The following SCLT1 variants were observed in gnomAD, a reference collection of about 807,000 sequenced individuals.
SCLT1 encodes sodium channel-associated protein 1.
A neutral mutation model predicts 112.8 loss-of-function variants in SCLT1; 78 were observed. That is an observed-to-expected ratio of 0.69 (90% confidence interval 0.58 to 0.83). The LOEUF (loss-of-function observed/expected upper bound fraction) is 0.83. Among genes scored for constraint, SCLT1 ranks in the 40% least tolerant of loss-of-function variants. The pLI is 0.00. For synonymous variants in SCLT1, 257 were observed against 254.7 expected, an observed-to-expected ratio of 1.01 and a Z score of -0.09; for missense variants, 747 against 770.4, an observed-to-expected ratio of 0.97 and a Z score of 0.36.
At chr4:128,920,124 T>A (rs1735771045) in intron 18 of SCLT1, among the ~76,000 whole-genome samples, 2 of 152,118 alleles carry the variant, frequency 1.3e-5, no homozygotes, top group Admixed American at 1.3e-4. Context: ...ATATTCCTGA[T>A]GATCATAGAT....
At chr4:129,006,168 A>C (rs1439737441) in intron 5 of SCLT1, among the ~76,000 whole-genome samples, 2 of 150,578 alleles carry the variant, frequency 1.3e-5, no homozygotes, top group Non-Finnish European at 2.9e-5. Flanking sequence ...AAGTATAATA[A>C]AAAAAATTCA....
intron 18 of SCLT1, among the ~76,000 whole-genome samples, chr4:128,897,102 G>T (rs1463540813): frequency 6.6e-6 from 1 of 152,174 alleles, no homozygotes; most frequent in Non-Finnish European, 1.5e-5. Context: ...ACACTCTGCA[G>T]GATATTATCC....
At chr4:129,034,743 AT>A (rs1338398171) in intron 5 of SCLT1, among the ~76,000 whole-genome samples, 1 of 150,660 alleles carries the variant, frequency 6.6e-6, no homozygotes, top group Non-Finnish European at 1.5e-5. Context: ...GTACATAAAT[AT>A]TTTAGGTTTT....
intron 2 of SCLT1, among the ~76,000 whole-genome samples, chr4:129,050,999 T>C (rs1169633970): frequency 1.3e-5 from 2 of 151,508 alleles, no homozygotes; most frequent in African/African-American, 4.8e-5. Context: ...CCCCATTACT[T>C]GTTTTTGTCA....
intron 4 of SCLT1, chr4:129,040,070 A>G (rs545357450): frequency 1.0e-4 from 66 of 659,308 alleles, no homozygotes; most frequent in East Asian, 9.5e-4. Context: ...CGCAAGGGCC[A>G]GGTGGAACAG....
At chr4:129,038,403 T>C (rs182558923) in intron 5 of SCLT1, among the ~76,000 whole-genome samples, 3 of 152,156 alleles carry the variant, frequency 2.0e-5, no homozygotes, top group African/African-American at 7.2e-5. Flanking sequence ...TGCACTTGTG[T>C]ATGTTATTGA....
In SCLT1 at chr4:129,093,254, T is replaced by C. The variant is rs116400787; in HGVS notation, c.-151A>G. Reference sequence around the variant, plus strand: ...ATCTGCATCCTACTCACGCGGCATCTACAGCCCCGCCACGCTTCTTTCCCC... The same window carrying C: ...ATCTGCATCCTACTCACGCGGCATCCACAGCCCCGCCACGCTTCTTTCCCC... On this transcript the variant is annotated 5_prime_UTR_variant, in exon 1 of 21. Transcript: ENST00000281142. 4.4e-3 allele frequency: 2,933 copies of C among 669,960 alleles called. 33 individuals carry two copies. Among genetic ancestry groups the C allele is most frequent in the African/African-American group, 0.028 (1,579 of 55,624 alleles). The allele number at this position is 669,960 out of a possible 1,614,324, so 41.5% of individuals were successfully genotyped here. A position where few individuals can be genotyped will look rare whatever the true frequency, so the allele number is the denominator to read the frequency against.
At chr4:128,925,290 T>C (rs1736206220) in intron 18 of SCLT1, among the ~76,000 whole-genome samples, 2 of 152,100 alleles carry the variant, frequency 1.3e-5, no homozygotes, top group South Asian at 4.1e-4. Context: ...TGTTATGCAG[T>C]AGTAGATAAC....
chr4:128,942,163 C>A (rs148319699), intron 17 of SCLT1, among the ~76,000 whole-genome samples: 2 of 151,914 alleles, frequency 1.3e-5, no homozygotes, highest in African/African-American at 4.8e-5. Flanking sequence ...TTTTTCATTT[C>A]GGAGTTCAAG....
Position 128,884,507 on chromosome 4 carries a change from T to C in SCLT1, c.2037A>G (p.Ala679=). The change falls in exon 21 of 21, where the codon GCA becomes GCG. Residue 679 remains alanine, a synonymous_variant. Transcript: ENST00000281142. ...TATTTTCCAGATTCATCAGGGAGGCTGCTTTTCTTCTCTGCACTGTAATCA... is the reference window on the plus strand; with the variant it reads ...TATTTTCCAGATTCATCAGGGAGGCCGCTTTTCTTCTCTGCACTGTAATCA... ...LSVITVQRRK[A]ASLMNLENI 6.2e-7 allele frequency: 1 copy of C among 1,605,544 alleles called. No homozygotes were observed. Among genetic ancestry groups the C allele is most frequent in the Non-Finnish European group, 8.5e-7 (1 of 1,173,042 alleles).
chr4:129,070,289 T>G, intron 2 of SCLT1, among the ~76,000 whole-genome samples: 1 of 152,072 alleles, frequency 6.6e-6, no homozygotes, highest in South Asian at 2.1e-4. Context: ...TTAGGGAGGG[T>G]TCTTTCTTTC....
intron 9 of SCLT1, among the ~76,000 whole-genome samples, chr4:128,989,476 G>T (rs1187948413): frequency 6.6e-6 from 1 of 151,698 alleles, no homozygotes; most frequent in Non-Finnish European, 1.5e-5. Context: ...AGCAAAAGCA[G>T]TACTAAAAGT....
At chr4:128,987,249 G>A (rs1742179086) in intron 9 of SCLT1, among the ~76,000 whole-genome samples, 1 of 152,130 alleles carries the variant, frequency 6.6e-6, no homozygotes, top group Admixed American at 6.5e-5. Context: ...AGCCAAGACT[G>A]CAAAAATTAT....
At position 128,935,812 on chromosome 4, in the gene SCLT1, A is replaced by G. The variant is rs549646131; in HGVS notation, c.1829+843T>C. ...GTCCTCACACAGTTTCCATCTCTCT[A>G]TCCTCTTTTTCAACATGTTCTCATT... On this transcript the variant is annotated intron_variant, in intron 18 of 20. Coordinates refer to ENST00000281142, the MANE Select transcript of SCLT1 (RefSeq NM_144643.4). 2.0e-5 allele frequency among the ~76,000 whole-genome samples: 3 copies of G among 151,920 alleles called. No individual in the cohort carries two copies. The South Asian group carries it at 6.2e-4, about 32-fold the overall frequency.
intron 10 of SCLT1, among the ~76,000 whole-genome samples, chr4:128,968,043 T>C (rs1312781819): frequency 1.3e-5 from 2 of 152,246 alleles, no homozygotes; most frequent in East Asian, 1.9e-4. Flanking sequence ...CTCTTCATAA[T>C]TGGCTGTCAG....
chr4:128,938,194 A>C (rs569260872), intron 17 of SCLT1, among the ~76,000 whole-genome samples: 1 of 152,336 alleles, frequency 6.6e-6, no homozygotes, highest in African/African-American at 2.4e-5. Flanking sequence ...AACTCAAAAA[A>C]CAATGAGAGT....
At chr4:128,972,015 C>T (rs376633244) in intron 9 of SCLT1, 3 of 150,984 alleles carry the variant, frequency 2.0e-5, no homozygotes, top group Admixed American at 6.6e-5. Flanking sequence ...GAGCAAGACT[C>T]CATCTCAAAG....
At position 129,012,980 on chromosome 4, in the gene SCLT1, C is replaced by CT. The variant is rs144564958; in HGVS notation, c.291-9105dup. Among the ~76,000 whole-genome samples the CT allele has an allele frequency of 8.0e-3, 1,223 of 152,044 alleles. 15 individuals are homozygous for CT. Among genetic ancestry groups the CT allele is most frequent in the African/African-American group, 0.028 (1,155 of 41,478 alleles). On this transcript the variant is annotated intron_variant, in intron 5 of 20. Transcript: ENST00000281142. ...CTTTATTCAGTTTGCCATTCTGTGT[C>CT]TTTTTTTGCTTTTTAACTTTTATTT...
At chr4:128,995,339 C>A (rs190043081) in intron 8 of SCLT1, among the ~76,000 whole-genome samples, 1 of 152,214 alleles carries the variant, frequency 6.6e-6, no homozygotes, top group East Asian at 1.9e-4. Flanking sequence ...TCTGTTGCAA[C>A]TCTCACTTTG....
Sources: allele counts gnomAD v4.1 joint callset (sites outside exome capture counted in the v4.1 genomes callset), GRCh38; gene constraint gnomAD v4.1.1; transcripts MANE v1.5; gene names NCBI Gene and HGNC (gene_info 2026-07-23, HGNC 2026-07-21).